Variants in ADHFE1 observed in about 807,000 individuals in gnomAD.
ADHFE1 encodes hydroxyacid-oxoacid transhydrogenase, mitochondrial.
Under a neutral mutation model 54.8 loss-of-function variants are expected in ADHFE1, and 37 were observed. The ratio of observed to expected loss-of-function variants is 0.68; its 90% CI spans 0.52 to 0.89. The LOEUF (loss-of-function observed/expected upper bound fraction) is 0.89, where lower values mean the gene tolerates loss of function less well. Among genes scored for constraint, ADHFE1 ranks in the 40% least tolerant of loss-of-function variants. The probability of loss-of-function intolerance (pLI) is 0.00; values close to 1 mark genes in which losing one functional copy is unlikely to be tolerated. For synonymous variants in ADHFE1, 203 were observed against 229.3 expected, an observed-to-expected ratio of 0.89 and a Z score of 1.04; for missense variants, 601 against 591.2, an observed-to-expected ratio of 1.02 and a Z score of -0.17.
At chr8:66,443,990 G>A (rs923365349) in intron 3 of ADHFE1, among the ~76,000 whole-genome samples, 6 of 152,112 alleles carry the variant, frequency 3.9e-5, no homozygotes, top group Admixed American at 3.3e-4. Flanking sequence ...ACAGTGCCTC[G>A]AACATAGAAG....
chr8:66,465,539 C>T (rs1273548441), intron 13 of ADHFE1, among the ~76,000 whole-genome samples: 1 of 152,102 alleles, frequency 6.6e-6, no homozygotes, highest in Non-Finnish European at 1.5e-5. Context: ...AATAACTAAT[C>T]AAGTCCTATG....
At chr8:66,452,957 C>T (rs1272326159) in intron 9 of ADHFE1, among the ~76,000 whole-genome samples, 1 of 152,240 alleles carries the variant, frequency 6.6e-6, no homozygotes. Flanking sequence ...CACGGTGCTT[C>T]CTCTGGCCTT....
intron 13 of ADHFE1, among the ~76,000 whole-genome samples, chr8:66,468,023 A>T (rs904492905): frequency 5.3e-5 from 8 of 152,192 alleles, no homozygotes; most frequent in Admixed American, 5.2e-4. Flanking sequence ...TTTCGGCAGA[A>T]GGCTGTTGCC....
rs150656166 is a variant in ADHFE1, at chr8:66,468,318, C to G, written c.1370C>G (p.Ala457Gly). Residue 457 changes from alanine to glycine, a missense_variant, in exon 14 of 14, where the codon GCT (alanine) becomes GGT (glycine). By Grantham distance (60) the Ala-to-Gly change is moderately conservative (BLOSUM62 0). Coordinates refer to ENST00000396623, the MANE Select transcript of ADHFE1 (RefSeq NM_144650.3). Reference protein sequence around the residue: ...APCPQSEEDLAALFEASMKLY With the variant: ...APCPQSEEDLGALFEASMKLY ...TGTCCCCAGTCAGAAGAGGATCTGGCTGCTCTGTTTGAAGCTTCAATGAAA... is the reference window on the plus strand; with the variant it reads ...TGTCCCCAGTCAGAAGAGGATCTGGGTGCTCTGTTTGAAGCTTCAATGAAA... 9.7e-4 allele frequency: 1,558 copies of G among 1,613,334 alleles called. 3 individuals are homozygous for G. The highest frequency in any genetic ancestry group is 1.2e-3 in the Non-Finnish European group (1,461 of 1,179,556).
chr8:66,451,046 G>GC (rs1191824016), intron 8 of ADHFE1, among the ~76,000 whole-genome samples: 1 of 152,220 alleles, frequency 6.6e-6, no homozygotes, highest in Non-Finnish European at 1.5e-5. Flanking sequence ...CATTACAGAG[G>GC]CCCCCATGGG....
rs767209423 is a variant in ADHFE1, at chr8:66,468,290, C to T, written c.1342C>T (p.Pro448Ser). The change falls in exon 14 of 14, where the codon CCC becomes TCC. Residue 448 changes from proline (P) to serine (S), a missense_variant. Coordinates refer to ENST00000396623, the MANE Select transcript of ADHFE1 (RefSeq NM_144650.3). Reference protein sequence around the residue: ...LPQERVTKLAPCPQSEEDLAA... With the variant: ...LPQERVTKLASCPQSEEDLAA... ...TCAGGAAAGGGTCACCAAGCTTGCA[C>T]CCTGTCCCCAGTCAGAAGAGGATCT... The T allele has an allele frequency of 3.7e-6, 6 of 1,613,286 alleles. No homozygotes were observed. Among genetic ancestry groups the T allele is most frequent in the Non-Finnish European group, 2.5e-6 (3 of 1,179,590 alleles).
At chr8:66,433,811 T>C (rs560841585) in intron 1 of ADHFE1, among the ~76,000 whole-genome samples, 1 of 152,352 alleles carries the variant, frequency 6.6e-6, no homozygotes, top group South Asian at 2.1e-4. Context: ...AATCAAAATA[T>C]ACATTAGACA....
intron 7 of ADHFE1, 26 bp from the exon 8 acceptor site, chr8:66,448,839 C>G: frequency 6.3e-7 from 1 of 1,591,550 alleles, no homozygotes; most frequent in Non-Finnish European, 8.6e-7. Context: ...TGGCTTTAGC[C>G]TCTACTGAAA....
chr8:66,447,166 CCTT>C (rs1806076231), intron 6 of ADHFE1, 95 bp from the exon 7 acceptor site: 1 of 949,404 alleles, frequency 1.1e-6, no homozygotes, highest in Non-Finnish European at 1.6e-6. Flanking sequence ...AGCAAAGTTT[CCTT>C]CTCTAATTTT....
intron 6 of ADHFE1, 98 bp downstream of exon 6, chr8:66,445,512 G>A (rs190666879): frequency 1.6e-6 from 2 of 1,219,650 alleles, no homozygotes; most frequent in Admixed American, 5.1e-5. Context: ...CATTTCGAAA[G>A]CTTTCTGGTT....
chr8:66,448,971 G>GT lies in ADHFE1; in HGVS notation c.734+2dup. On this transcript the variant is annotated splice_donor_variant, in intron 8 of 13. Transcript: ENST00000396623. LOFTEE classifies it high-confidence loss of function. ...CCAACAGTGGCTTTGATGTGCTTTG[G>GT]TAAGTGCTGGTGCCTCCTGGAGGGG... The GT allele has an allele frequency of 6.2e-7, 1 of 1,613,806 alleles. No individual in the cohort carries two copies. The highest frequency in any genetic ancestry group is 8.5e-7 in the Non-Finnish European group (1 of 1,179,742).
chr8:66,440,272 T>C (rs1170352904), intron 2 of ADHFE1, 73 bp downstream of exon 2: 60 of 1,455,050 alleles, frequency 4.1e-5, no homozygotes, highest in Non-Finnish European at 5.4e-5. Context: ...ATTTGGGTAG[T>C]GTATGTAAAG....
At chr8:66,446,317 C>A (rs923413661) in intron 6 of ADHFE1, among the ~76,000 whole-genome samples, 1 of 152,128 alleles carries the variant, frequency 6.6e-6, no homozygotes, top group Non-Finnish European at 1.5e-5. Flanking sequence ...ACCACGGAGC[C>A]CAGCAAAGGC....
At position 66,439,179 on chromosome 8, in the gene ADHFE1, T is replaced by A. The variant is rs898891294; in HGVS notation, c.60-983T>A. 3.0e-6 allele frequency: 3 copies of A among 985,014 alleles called. No individual in the cohort carries two copies. Among genetic ancestry groups the A allele is most frequent in the Admixed American group, 6.2e-5 (1 of 16,258 alleles). 61.0% of individuals were successfully genotyped at this position (985,014 alleles called of 1,614,324 possible). A position where few individuals can be genotyped will look rare whatever the true frequency, so the allele number is the denominator to read the frequency against. On this transcript the variant is annotated intron_variant, in intron 1 of 13. Transcript: ENST00000396623. The surrounding 1 kb of genome is among the most constrained non-coding windows in gnomAD (Gnocchi z 4.4). ...GAATTTTTGAGATCTGGACGGCCAC[T>A]GAGATCAACCCTTTTCCTTCCTCCC...
At position 66,468,389 on chromosome 8, in the gene ADHFE1, G is replaced by A; in HGVS notation, c.*37G>A. The A allele has an allele frequency of 6.4e-7, 1 of 1,557,838 alleles. No individual in the cohort carries two copies. On this transcript the variant is annotated 3_prime_UTR_variant, in exon 14 of 14. Coordinates refer to ENST00000396623, the MANE Select transcript of ADHFE1 (RefSeq NM_144650.3). ...ACTGAAAGAATTACCGCTGGCCATT[G>A]TAGTGCTGAGAGCAAGAGCTGATCT...
In ADHFE1 at chr8:66,460,405, A is replaced by G. The variant is rs543948602; in HGVS notation, c.1260A>G (p.Leu420=). Residue 420 remains leucine, a synonymous_variant, in exon 13 of 14, where the codon CTA becomes CTG. Transcript: ENST00000396623. The stretch of plus-strand genomic sequence containing the variant: ...TCGATCTGGATGTTGATGATGGCCT[A>G]GCAGCTGTTGGTTACTCCAAAGCTG... The part of the protein sequence containing the change: ...FLFDLDVDDG[L]AAVGYSKADI... The G allele has an allele frequency of 2.5e-6, 4 of 1,613,712 alleles. No individual in the cohort carries two copies. Among genetic ancestry groups the G allele is most frequent in the East Asian group, 4.5e-5 (2 of 44,872 alleles).
intron 1 of ADHFE1, among the ~76,000 whole-genome samples, chr8:66,433,813 C>T (rs1586424662): frequency 6.6e-6 from 1 of 152,186 alleles, no homozygotes; most frequent in Non-Finnish European, 1.5e-5. Flanking sequence ...TCAAAATATA[C>T]ATTAGACATG....
Position 66,445,264 on chromosome 8 carries a change from T to C in ADHFE1, c.400T>C (p.Tyr134His), listed in dbSNP as rs749991568. 10 of 1,613,642 alleles carry C rather than the reference T, an allele frequency of 6.2e-6. No individual in the cohort carries two copies. The highest frequency in any genetic ancestry group is 8.5e-6 in the Non-Finnish European group (10 of 1,179,932). Residue 134 changes from tyrosine (Y) to histidine (H), a missense_variant, in exon 6 of 14, where the codon TAT (tyrosine) becomes CAT (histidine). Coordinates refer to ENST00000396623, the MANE Select transcript of ADHFE1 (RefSeq NM_144650.3). The part of the protein sequence containing the change: ...EFAQKGAFDA[Y>H]VAVGGGSTMD... ...TGCCCAAAAGGGAGCTTTTGATGCC[T>C]ATGTTGCTGTCGGTGGTGGCTCTAC... is the stretch of plus-strand genomic sequence containing the variant.
In ADHFE1 at chr8:66,468,662, A is replaced by G. The variant is rs1162548632; in HGVS notation, c.*310A>G. On this transcript the variant is annotated 3_prime_UTR_variant, in exon 14 of 14. Coordinates refer to ENST00000396623, the MANE Select transcript of ADHFE1 (RefSeq NM_144650.3). ...GCAAATGAGCAAAAACTCAGTATCT[A>G]TCAAAAGTGTAAATTATATTTCCTA... 2.4e-5 allele frequency: 4 copies of G among 167,694 alleles called. No homozygotes were observed. In the Admixed American group the frequency reaches 2.5e-4, roughly 11 times the overall value. The allele number at this position is 167,694 out of a possible 1,614,324, so 10.4% of individuals were successfully genotyped here.
Sources: allele counts gnomAD v4.1 joint callset (sites outside exome capture counted in the v4.1 genomes callset), GRCh38; gene constraint gnomAD v4.1.1; non-coding constraint Gnocchi (gnomAD v3.1); transcripts MANE v1.5; gene names NCBI Gene and HGNC (gene_info 2026-07-23, HGNC 2026-07-21).